KCNJ6: variants seen among roughly 807,000 people sequenced by gnomAD.
KCNJ6 encodes potassium inwardly rectifying channel subfamily J member 6, also known as G protein-activated inward rectifier potassium channel 2.
In KCNJ6, 9 loss-of-function variants were observed where a neutral mutation model predicts 34.2. The observed-to-expected ratio is 0.26, with a 90% CI of 0.16 to 0.46. The LOEUF (loss-of-function observed/expected upper bound fraction) is 0.46. KCNJ6 is among the 20% of genes least tolerant of loss of function. The probability of loss-of-function intolerance (pLI) is 1.00; values close to 1 mark genes in which losing one functional copy is unlikely to be tolerated. For synonymous variants in KCNJ6, 196 were observed against 207.1 expected, an observed-to-expected ratio of 0.95 and a Z score of 0.46; for missense variants, 236 against 531.3, an observed-to-expected ratio of 0.44 and a Z score of 5.46.
At position 37,750,015 on chromosome 21, in the gene KCNJ6, T is replaced by C. The variant is rs577921058; in HGVS notation, c.26-34884A>G. ...CAGACCTGAACCTTTATCTGCAGGA[T>C]AAAACATTTGGATTAAAGGCATTTA... On this transcript the variant is annotated intron_variant, in intron 2 of 3. Transcript: ENST00000609713. 9.3e-4 allele frequency among the ~76,000 whole-genome samples: 141 copies of C among 152,234 alleles called. 2 individuals are homozygous for C. Among genetic ancestry groups the C allele is most frequent in the African/African-American group, 3.3e-3 (139 of 41,534 alleles).
At chr21:37,791,091 A>G (rs931157506) in intron 2 of KCNJ6, among the ~76,000 whole-genome samples, 1 of 152,200 alleles carries the variant, frequency 6.6e-6, no homozygotes, top group African/African-American at 2.4e-5. Flanking sequence ...CTGTTGGAAC[A>G]TTGGCCCTGG....
Position 37,853,847 on chromosome 21 carries a change from T to TGTATATATATATATATATATATAC in KCNJ6, c.-27-13139_-27-13138insGTATATATATATATATATATATAC, listed in dbSNP as rs1555850321. Among the ~76,000 whole-genome samples the TGTATATATATATATATATATATAC allele has an allele frequency of 9.7e-4, 39 of 40,160 alleles. 1 individual carries two copies. The highest frequency in any genetic ancestry group is 2.4e-3 in the African/African-American group (39 of 16,164). The allele number at this position is 40,160 out of a possible 152,430, so 26.3% of individuals were successfully genotyped here. A position where few individuals can be genotyped will look rare whatever the true frequency, so the allele number is the denominator to read the frequency against. On this transcript the variant is annotated intron_variant, in intron 1 of 3. Coordinates refer to ENST00000609713, the MANE Select transcript of KCNJ6 (RefSeq NM_002240.5). ...TAGTTAAGAGATACATATATATATG[T>TGTATATATATATATATATATATAC]ATATATATATATATAAATTACATTG...
At chr21:37,705,789 T>G (rs1028392561) in intron 3 of KCNJ6, among the ~76,000 whole-genome samples, 3 of 152,258 alleles carry the variant, frequency 2.0e-5, no homozygotes, top group African/African-American at 7.2e-5. Context: ...TTCTGCAAAG[T>G]AGCCAGCTGC....
At chr21:37,670,731 C>T (rs907568001) in intron 3 of KCNJ6, among the ~76,000 whole-genome samples, 1 of 152,178 alleles carries the variant, frequency 6.6e-6, no homozygotes, top group Non-Finnish European at 1.5e-5. Flanking sequence ...TGCCACTGCA[C>T]TCCAGCCTGG....
At chr21:37,627,472 A>G (rs1336356736) in intron 3 of KCNJ6, among the ~76,000 whole-genome samples, 1 of 152,220 alleles carries the variant, frequency 6.6e-6, no homozygotes, top group Admixed American at 6.5e-5. Flanking sequence ...TGGCAGTGAT[A>G]TGTGGGCTCA....
At chr21:37,819,849 T>C (rs1472358178) in intron 2 of KCNJ6, among the ~76,000 whole-genome samples, 1 of 151,588 alleles carries the variant, frequency 6.6e-6, no homozygotes, top group Non-Finnish European at 1.5e-5. Flanking sequence ...AATGGCACAA[T>C]TTTGGGTCAT....
At chr21:37,786,717 T>C (rs1568848303) in intron 2 of KCNJ6, among the ~76,000 whole-genome samples, 1 of 152,218 alleles carries the variant, frequency 6.6e-6, no homozygotes, top group Non-Finnish European at 1.5e-5. Context: ...GGCTCTTGAA[T>C]TTGCTACTTA....
intron 2 of KCNJ6, among the ~76,000 whole-genome samples, chr21:37,782,973 T>A (rs1253753119): frequency 1.3e-5 from 2 of 152,330 alleles, no homozygotes; most frequent in Non-Finnish European, 1.5e-5. Flanking sequence ...ACATTTTAAT[T>A]CCAGGCTGAC....
At chr21:37,870,808 C>T (rs974181212) in intron 1 of KCNJ6, among the ~76,000 whole-genome samples, 1 of 152,152 alleles carries the variant, frequency 6.6e-6, no homozygotes, top group African/African-American at 2.4e-5. Context: ...ATGCCATCGT[C>T]CATCATGGCT....
chr21:37,881,502 C>A (rs1292968751), intron 1 of KCNJ6, among the ~76,000 whole-genome samples: 1 of 151,766 alleles, frequency 6.6e-6, no homozygotes, highest in Non-Finnish European at 1.5e-5. Flanking sequence ...AGAAAGTGCT[C>A]TTCCTCTGCT....
intron 2 of KCNJ6, among the ~76,000 whole-genome samples, chr21:37,739,923 A>C (rs1430180658): frequency 1.3e-5 from 2 of 151,634 alleles, no homozygotes; most frequent in East Asian, 3.9e-4. Flanking sequence ...GAAAAAAAAA[A>C]AGATCAGGTG....
chr21:37,684,081 T>C (rs1601418041), intron 3 of KCNJ6, among the ~76,000 whole-genome samples: 1 of 152,362 alleles, frequency 6.6e-6, no homozygotes, highest in South Asian at 2.1e-4. Context: ...CTGAGTCTCC[T>C]TGGGCTGTCA....
intron 2 of KCNJ6, among the ~76,000 whole-genome samples, chr21:37,798,828 G>A (rs1372365282): frequency 3.9e-5 from 6 of 152,120 alleles, no homozygotes; most frequent in Non-Finnish European, 2.9e-5. Context: ...AATTGATCTC[G>A]GTGATAGTTA....
chr21:37,866,175 G>C (rs2055621860), intron 1 of KCNJ6, among the ~76,000 whole-genome samples: 1 of 152,138 alleles, frequency 6.6e-6, no homozygotes, highest in East Asian at 1.9e-4. Flanking sequence ...TCTGTCTGTG[G>C]ATGGTGGATT....
intron 3 of KCNJ6, among the ~76,000 whole-genome samples, chr21:37,670,661 G>A (rs975330398): frequency 1.3e-5 from 2 of 152,296 alleles, no homozygotes; most frequent in East Asian, 3.9e-4. Flanking sequence ...GCTACTTGGA[G>A]GGCTGAGGTG....
chr21:37,631,971 C>G (rs2054335697), intron 3 of KCNJ6, among the ~76,000 whole-genome samples: 1 of 152,102 alleles, frequency 6.6e-6, no homozygotes, highest in South Asian at 2.1e-4. Context: ...CTGCATTTTC[C>G]TCTTTCCTCT....
chr21:37,900,095 C>G (rs1240955987), intron 1 of KCNJ6, among the ~76,000 whole-genome samples: 1 of 152,184 alleles, frequency 6.6e-6, no homozygotes, highest in African/African-American at 2.4e-5. Context: ...TAAATAGGCA[C>G]AGCCTTTTTG....
chr21:37,617,053 T>C lies in KCNJ6; in HGVS notation c.*8106A>G, dbSNP rs1462542017. The stretch of plus-strand genomic sequence containing the variant: ...CTTTCTTTCTTTCTTTCTTTCTTTC[T>C]TTTCTTTTCTTTTCTTTTCTTTTCT... On this transcript the variant is annotated 3_prime_UTR_variant, in exon 4 of 4. Coordinates refer to ENST00000609713, the MANE Select transcript of KCNJ6 (RefSeq NM_002240.5). 2 of 54,120 alleles carry C rather than the reference T, an allele frequency of 3.7e-5. No individual in the cohort carries two copies. Among genetic ancestry groups the C allele is most frequent in the Admixed American group, 2.1e-4 (1 of 4,870 alleles). 3.4% of individuals were successfully genotyped at this position (54,120 alleles called of 1,614,324 possible). A position where few individuals can be genotyped will look rare whatever the true frequency, so the allele number is the denominator to read the frequency against.
chr21:37,872,733 T>G (rs999828363), intron 1 of KCNJ6, among the ~76,000 whole-genome samples: 8 of 152,212 alleles, frequency 5.3e-5, no homozygotes, highest in Non-Finnish European at 1.0e-4. Flanking sequence ...GGTTTGACTG[T>G]GTCCCCACCC....
Sources: gnomAD v4.1 joint callset for allele counts (sites outside exome capture counted in the v4.1 genomes callset) on GRCh38, gnomAD v4.1.1 for gene constraint, MANE v1.5 for transcripts, NCBI Gene and HGNC (gene_info 2026-07-23, HGNC 2026-07-21) for gene names.